The following COL4A4 variants were observed in gnomAD, a reference collection of about 807,000 sequenced individuals.
COL4A4 encodes the protein collagen alpha-4(IV) chain.
COL4A4 carries 105 observed loss-of-function variants against 192.9 expected under a neutral mutation model. The observed-to-expected ratio is 0.54, with a 90% CI of 0.46 to 0.64. The LOEUF is 0.64. COL4A4 is among the 30% of genes least tolerant of loss of function. The pLI is 0.00. For synonymous variants in COL4A4, 762 were observed against 769.9 expected (o/e 0.99, Z 0.17); for missense variants, 1,967 against 2,169.3 (o/e 0.91, Z 1.85).
chr2:227,108,671 G>A (rs1401839981), intron 11 of COL4A4, 49 bp from the exon 12 acceptor site: 1 of 1,601,300 alleles, frequency 6.2e-7, no homozygotes, highest in Admixed American at 1.7e-5. Flanking sequence ...TTTTAAAAAA[G>A]TAATTAAAAG....
intron 12 of COL4A4, among the ~76,000 whole-genome samples, chr2:227,104,997 A>G (rs1167068474): frequency 6.6e-6 from 1 of 152,074 alleles, no homozygotes; most frequent in Admixed American, 6.5e-5. Flanking sequence ...ATATATGTAC[A>G]TATATGTGTA....
At chr2:227,129,754 C>G (rs972516209) in intron 4 of COL4A4, among the ~76,000 whole-genome samples, 1 of 152,094 alleles carries the variant, frequency 6.6e-6, no homozygotes, top group Non-Finnish European at 1.5e-5. Context: ...GTTTTTATTT[C>G]CACCTCAGCA....
chr2:227,037,486 T>C (rs1019605129), intron 37 of COL4A4, among the ~76,000 whole-genome samples: 4 of 152,254 alleles, frequency 2.6e-5, no homozygotes, highest in Non-Finnish European at 4.4e-5. Context: ...CAGTCTATCA[T>C]TGATGGGCAT....
At chr2:227,023,562 A>G (rs758091590) in intron 43 of COL4A4, among the ~76,000 whole-genome samples, 1 of 152,236 alleles carries the variant, frequency 6.6e-6, no homozygotes, top group Non-Finnish European at 1.5e-5. Flanking sequence ...CAAACATCAC[A>G]GAGGGATAAG....
intron 1 of COL4A4, among the ~76,000 whole-genome samples, chr2:227,160,575 C>T (rs755624570): frequency 4.3e-4 from 66 of 152,118 alleles, no homozygotes; most frequent in Middle Eastern, 6.3e-3. Flanking sequence ...CCCCATGTCC[C>T]GTGATGAATA....
intron 36 of COL4A4, among the ~76,000 whole-genome samples, chr2:227,042,609 T>C (rs1485283868): frequency 6.6e-6 from 1 of 151,882 alleles, no homozygotes; most frequent in African/African-American, 2.4e-5. Context: ...GCAGGAGAAA[T>C]GCAAAGGGCT....
intron 13 of COL4A4, among the ~76,000 whole-genome samples, chr2:227,103,744 C>G (rs2060656880): frequency 6.6e-6 from 1 of 152,164 alleles, no homozygotes; most frequent in Admixed American, 6.5e-5. Context: ...GCAGCCTGAG[C>G]TAGGTCTGCC....
At chr2:227,090,594 T>C (rs942206209) in intron 20 of COL4A4, among the ~76,000 whole-genome samples, 9 of 150,890 alleles carry the variant, frequency 6.0e-5, no homozygotes, top group Non-Finnish European at 1.0e-4. Context: ...CTCTGCAAAA[T>C]CACAAAAATT....
At chr2:227,148,783 C>CAAA (rs1472916268) in intron 1 of COL4A4, among the ~76,000 whole-genome samples, 1 of 151,052 alleles carries the variant, frequency 6.6e-6, no homozygotes, top group Non-Finnish European at 1.5e-5. Context: ...TTTAAAAGAC[C>CAAA]TGTCTCTATG....
chr2:227,159,271 A>C (rs766574500), intron 1 of COL4A4, among the ~76,000 whole-genome samples: 2 of 152,224 alleles, frequency 1.3e-5, no homozygotes, highest in Non-Finnish European at 2.9e-5. Context: ...ACTAAAATGA[A>C]GTCTACAGTG....
intron 25 of COL4A4, among the ~76,000 whole-genome samples, chr2:227,074,252 C>T (rs760418808): frequency 1.2e-4 from 18 of 151,936 alleles, no homozygotes; most frequent in Non-Finnish European, 2.5e-4. Context: ...CATGAATAGA[C>T]ATTTCTCAAA....
At chr2:227,162,088 G>T (rs559175022) in intron 1 of COL4A4, among the ~76,000 whole-genome samples, 1 of 152,172 alleles carries the variant, frequency 6.6e-6, no homozygotes, top group South Asian at 2.1e-4. Flanking sequence ...GCCCAGAGAG[G>T]TTAGGTCACA....
chr2:227,136,316 G>A (rs1262337530), intron 4 of COL4A4, among the ~76,000 whole-genome samples: 1 of 152,166 alleles, frequency 6.6e-6, no homozygotes, highest in African/African-American at 2.4e-5. Context: ...AAGGCCTTGT[G>A]GTTTGGCATC....
intron 37 of COL4A4, among the ~76,000 whole-genome samples, chr2:227,041,871 AAAGAAAGAAAG>A (rs1971425350): frequency 3.6e-5 from 5 of 140,216 alleles, no homozygotes; most frequent in African/African-American, 1.1e-4. Context: ...AGAAAGAAAG[AAAGAAAGAAAG>A]AAAGAAAGAA....
intron 37 of COL4A4, among the ~76,000 whole-genome samples, chr2:227,041,856 A>AAGAGAGAGAG (rs1237060194): frequency 1.0e-5 from 1 of 96,976 alleles, no homozygotes; most frequent in Non-Finnish European, 2.1e-5. Context: ...AAGAGAAAGA[A>AAGAGAGAGAG]AGAAAGAAAG....
At chr2:227,080,144 G>C (rs534063686) in intron 24 of COL4A4, among the ~76,000 whole-genome samples, 32 of 152,216 alleles carry the variant, frequency 2.1e-4, no homozygotes, top group African/African-American at 7.7e-4. Flanking sequence ...AAAATCAGTG[G>C]GGCCCTTCTA....
intron 4 of COL4A4, among the ~76,000 whole-genome samples, chr2:227,131,583 G>A (rs751271628): frequency 7.2e-5 from 11 of 152,142 alleles, no homozygotes; most frequent in Middle Eastern, 3.2e-3. Flanking sequence ...GGGCTCAAGC[G>A]GAGGCTGTTC....
At chr2:227,109,552 T>C in intron 9 of COL4A4, 2 of 603,552 alleles carry the variant, frequency 3.3e-6, no homozygotes, top group South Asian at 3.2e-5. Context: ...ATCGAGACCA[T>C]CCTGGCCAAC....
intron 12 of COL4A4, among the ~76,000 whole-genome samples, chr2:227,108,097 A>G (rs2060966894): frequency 6.6e-6 from 1 of 152,130 alleles, no homozygotes; most frequent in Non-Finnish European, 1.5e-5. Flanking sequence ...TAAGTTTTAC[A>G]TGTCGGCCAA....
Sources: gnomAD v4.1 joint callset for allele counts (sites outside exome capture counted in the v4.1 genomes callset) on GRCh38, gnomAD v4.1.1 for gene constraint, MANE v1.5 for transcripts, NCBI Gene and HGNC (gene_info 2026-07-23, HGNC 2026-07-21) for gene names.